Variants in CALN1 observed in about 807,000 individuals in gnomAD.
CALN1 encodes calcium-binding protein 8.
A neutral mutation model predicts 30.6 loss-of-function variants in CALN1; 17 were observed. The ratio of observed to expected loss-of-function variants is 0.56; its 90% CI spans 0.38 to 0.83. The LOEUF (loss-of-function observed/expected upper bound fraction) is 0.83. CALN1 is among the 40% of genes least tolerant of loss of function. The pLI, the probability that CALN1 is intolerant of heterozygous loss-of-function variation, is 0.00. For missense variants in CALN1, 291 were observed against 354.9 expected (o/e 0.82, Z 1.45); for synonymous variants, 156 against 131.4 (o/e 1.19, Z -1.28).
chr7:71,860,389 C>CA (rs1379453040), intron 5 of CALN1, among the ~76,000 whole-genome samples: 2 of 152,124 alleles, frequency 1.3e-5, no homozygotes, highest in Admixed American at 1.3e-4. Flanking sequence ...AACGGGGTTT[C>CA]ACCATGCTGG....
chr7:71,995,977 T>C (rs578135863), intron 5 of CALN1, among the ~76,000 whole-genome samples: 1 of 152,228 alleles, frequency 6.6e-6, no homozygotes, highest in Admixed American at 6.5e-5. Flanking sequence ...GAGATACACC[T>C]GCCATCTTTG....
chr7:72,313,495 G>A (rs1460023186), intron 2 of CALN1, among the ~76,000 whole-genome samples: 4 of 152,036 alleles, frequency 2.6e-5, no homozygotes, highest in African/African-American at 9.7e-5. Flanking sequence ...GGGCTCAAGC[G>A]ACAGCTCCCA....
At chr7:72,420,514 T>C (rs1400345230) in intron 1 of CALN1, among the ~76,000 whole-genome samples, 1 of 151,344 alleles carries the variant, frequency 6.6e-6, no homozygotes, top group Non-Finnish European at 1.5e-5. Context: ...CCTGGGCACC[T>C]GTTTCAGGTC....
chr7:72,404,582 T>G (rs746536022), intron 1 of CALN1, among the ~76,000 whole-genome samples: 12 of 152,294 alleles, frequency 7.9e-5, no homozygotes, highest in Non-Finnish European at 1.8e-4. Flanking sequence ...GGCAATGGCT[T>G]CTCGCAGAAA....
intron 1 of CALN1, among the ~76,000 whole-genome samples, chr7:72,403,835 G>A (rs1310434894): frequency 6.6e-6 from 1 of 152,172 alleles, no homozygotes; most frequent in African/African-American, 2.4e-5. Flanking sequence ...CTGACACCAG[G>A]AAAGCCACAG....
intron 5 of CALN1, among the ~76,000 whole-genome samples, chr7:71,999,501 T>A (rs1040579951): frequency 2.6e-4 from 40 of 151,174 alleles, no homozygotes; most frequent in African/African-American, 9.0e-4. Context: ...GAACACTCCA[T>A]CCAACAGCAG....
intron 2 of CALN1, among the ~76,000 whole-genome samples, chr7:72,286,816 T>C (rs1199425738): frequency 6.6e-6 from 1 of 152,136 alleles, no homozygotes; most frequent in Non-Finnish European, 1.5e-5. Context: ...CAAGAAGAAG[T>C]ACAGCAAAAG....
At chr7:72,307,748 G>C (rs1799749546) in intron 2 of CALN1, among the ~76,000 whole-genome samples, 1 of 152,170 alleles carries the variant, frequency 6.6e-6, no homozygotes, top group Non-Finnish European at 1.5e-5. Flanking sequence ...GCCCTGCAGA[G>C]AGCAGCCGGC....
rs568215837 is a variant in CALN1, at chr7:71,963,193, T to C, written c.501+60464A>G. Among the ~76,000 whole-genome samples the C allele has an allele frequency of 7.6e-4, 116 of 152,202 alleles. 1 individual carries two copies. Among genetic ancestry groups the C allele is most frequent in the African/African-American group, 2.7e-3 (112 of 41,526 alleles). On this transcript the variant is annotated intron_variant, in intron 5 of 6. Transcript: ENST00000395275. ...TATTATTATTTTTGAGACAGAGTCT[T>C]GCTCTGTCACCCAGGCTGGAGTGCG...
At chr7:72,044,011 G>C (rs1802298831) in intron 4 of CALN1, among the ~76,000 whole-genome samples, 1 of 152,034 alleles carries the variant, frequency 6.6e-6, no homozygotes. Flanking sequence ...ACTATTACAA[G>C]AACAGCATAG....
chr7:72,328,116 T>TA (rs74501253), intron 2 of CALN1, among the ~76,000 whole-genome samples: 2,712 of 150,792 alleles, frequency 0.018, 37 homozygotes, highest in African/African-American at 0.033. Context: ...TTTCTTTTTT[T>TA]AAAAAAAAAA....
chr7:72,338,469 C>CTGTGTGTG (rs1562903665), intron 2 of CALN1, among the ~76,000 whole-genome samples: 20 of 41,982 alleles, frequency 4.8e-4, no homozygotes, highest in African/African-American at 1.1e-3. Context: ...GCCAGCAGCA[C>CTGTGTGTG]AGTGTGTGTG....
At chr7:72,323,214 G>C (rs936536518) in intron 2 of CALN1, among the ~76,000 whole-genome samples, 3 of 152,088 alleles carry the variant, frequency 2.0e-5, no homozygotes, top group Non-Finnish European at 4.4e-5. Flanking sequence ...TTGTTCTGAG[G>C]GGTGGGAAAG....
chr7:72,303,526 C>T (rs1294646753), intron 2 of CALN1, among the ~76,000 whole-genome samples: 1 of 149,188 alleles, frequency 6.7e-6, no homozygotes, highest in Non-Finnish European at 1.5e-5. Flanking sequence ...CATTGCACTC[C>T]AGCCTGGGCA....
chr7:72,267,437 A>G (rs1796672575), intron 3 of CALN1, among the ~76,000 whole-genome samples: 1 of 152,218 alleles, frequency 6.6e-6, no homozygotes, highest in South Asian at 2.1e-4. Context: ...AGCTTTAAAA[A>G]TATCTCTCCA....
chr7:72,135,474 C>G (rs1809444081), intron 3 of CALN1, among the ~76,000 whole-genome samples: 1 of 152,182 alleles, frequency 6.6e-6, no homozygotes, highest in African/African-American at 2.4e-5. Context: ...CCTTGTACAT[C>G]TCCATTAGAG....
chr7:72,471,782 G>C, the CALN1 span, among the ~76,000 whole-genome samples: 2 of 152,124 alleles, frequency 1.3e-5, no homozygotes, highest in Non-Finnish European at 2.9e-5. Flanking sequence ...ACCACGTGGG[G>C]CGTCACAATG....
the CALN1 span, among the ~76,000 whole-genome samples, chr7:72,487,955 A>AAAGGAAGGAAGG: frequency 6.2e-3 from 333 of 54,134 alleles, 2 homozygotes; most frequent in Non-Finnish European, 6.6e-3. Flanking sequence ...GGAAGGAAGG[A>AAAGGAAGGAAGG]AAGGAAGGAA....
intron 1 of CALN1, among the ~76,000 whole-genome samples, chr7:72,406,944 C>T (rs191084569): frequency 1.6e-3 from 242 of 152,204 alleles, no homozygotes; most frequent in Non-Finnish European, 2.0e-3. Flanking sequence ...CAATAGGTGA[C>T]CTACCCACTT....
Sources: gnomAD v4.1 joint callset for allele counts (sites outside exome capture counted in the v4.1 genomes callset) on GRCh38, gnomAD v4.1.1 for gene constraint, MANE v1.5 for transcripts, NCBI Gene and HGNC (gene_info 2026-07-23, HGNC 2026-07-21) for gene names.